PPP1R9A: variants seen among roughly 807,000 people sequenced by gnomAD.
PPP1R9A encodes neurabin-1.
A neutral mutation model predicts 141.9 loss-of-function variants in PPP1R9A; 59 were observed. The observed-to-expected ratio is 0.42, with a 90% CI of 0.34 to 0.52. The LOEUF (loss-of-function observed/expected upper bound fraction) is 0.52, where lower values mean the gene tolerates loss of function less well. PPP1R9A is among the 20% of genes least tolerant of loss of function. PPP1R9A has a pLI of 0.10. For synonymous variants in PPP1R9A, 500 were observed against 569.7 expected (o/e 0.88, Z 1.74); for missense variants, 1,444 against 1,611.9 (o/e 0.90, Z 1.78).
rs1443152876 is a variant in PPP1R9A at position 94,971,993 on chromosome 7, TACTTCAGTACA to T, written c.1395+60490_1395+60500del. 2.6e-5 allele frequency among the ~76,000 whole-genome samples: 4 copies of T among 152,226 alleles called. No individual in the cohort carries two copies. The South Asian group carries it at 6.2e-4, about 24-fold the overall frequency. On this transcript the variant is annotated intron_variant, in intron 2 of 19. Transcript: ENST00000433360. ...ACTCTCCTTATGCAATTTATTTACA[TACTTCAGTACA>T]ACTTATTACCCAGTTTGTATTCTCA...
chr7:95,270,113 A>G (rs1801936778), intron 14 of PPP1R9A, among the ~76,000 whole-genome samples: 1 of 152,132 alleles, frequency 6.6e-6, no homozygotes, highest in South Asian at 2.1e-4. Flanking sequence ...TTTTCATGCT[A>G]CAGTAGCAGT....
chr7:95,264,527 G>A (rs1800956959), intron 12 of PPP1R9A, among the ~76,000 whole-genome samples: 1 of 152,104 alleles, frequency 6.6e-6, no homozygotes, highest in African/African-American at 2.4e-5. Context: ...ATTTCTTAGA[G>A]CATTTTTCAT....
chr7:95,008,008 G>T (rs1328559931), intron 2 of PPP1R9A, among the ~76,000 whole-genome samples: 2 of 152,182 alleles, frequency 1.3e-5, no homozygotes, highest in African/African-American at 4.8e-5. Flanking sequence ...GGAGGTGGAG[G>T]TTGCAGTGAG....
At chr7:94,997,098 C>T (rs1802293811) in intron 2 of PPP1R9A, among the ~76,000 whole-genome samples, 1 of 152,128 alleles carries the variant, frequency 6.6e-6, no homozygotes, top group Admixed American at 6.5e-5. Flanking sequence ...GCCACCACAC[C>T]TGGCCAGATA....
chr7:95,215,180 C>T (rs983393318), intron 7 of PPP1R9A, among the ~76,000 whole-genome samples: 1 of 132,048 alleles, frequency 7.6e-6, no homozygotes, highest in Admixed American at 9.4e-5. Flanking sequence ...TCCAAGTGTT[C>T]TCATTGTTCA....
chr7:95,232,395 G>A (rs6979405), intron 8 of PPP1R9A, among the ~76,000 whole-genome samples: 61,734 of 151,554 alleles, frequency 0.41, 12,771 homozygotes, highest in South Asian at 0.49. Flanking sequence ...AGACTTAAAC[G>A]TAACATCTAA....
At chr7:95,240,630 A>T (rs1054776047) in intron 8 of PPP1R9A, among the ~76,000 whole-genome samples, 3 of 152,030 alleles carry the variant, frequency 2.0e-5, no homozygotes, top group Non-Finnish European at 4.4e-5. Context: ...GTACAGTTTA[A>T]TTGTAATTAA....
At chr7:95,199,121 A>AC (rs1788962834) in intron 6 of PPP1R9A, among the ~76,000 whole-genome samples, 2 of 152,194 alleles carry the variant, frequency 1.3e-5, no homozygotes, top group Admixed American at 1.3e-4. Context: ...ATAGAAGCTA[A>AC]CCCCCAAGTG....
chr7:95,020,070 T>C (rs942425785), intron 2 of PPP1R9A, among the ~76,000 whole-genome samples: 1 of 151,822 alleles, frequency 6.6e-6, no homozygotes, highest in African/African-American at 2.4e-5. Context: ...ATCATCATCA[T>C]TGATGAATTT....
chr7:94,974,790 C>T (rs1288199522), intron 2 of PPP1R9A, among the ~76,000 whole-genome samples: 1 of 152,010 alleles, frequency 6.6e-6, no homozygotes, highest in Non-Finnish European at 1.5e-5. Flanking sequence ...TCAGTAGAGG[C>T]ACATTAAAAT....
At chr7:95,061,156 A>G (rs944048887) in intron 2 of PPP1R9A, among the ~76,000 whole-genome samples, 1 of 152,204 alleles carries the variant, frequency 6.6e-6, no homozygotes, top group Non-Finnish European at 1.5e-5. Context: ...TCCTAAGTCC[A>G]GATAATCAAA....
chr7:95,007,101 A>T (rs1290467643), intron 2 of PPP1R9A, among the ~76,000 whole-genome samples: 1 of 152,138 alleles, frequency 6.6e-6, no homozygotes, highest in East Asian at 1.9e-4. Flanking sequence ...ACCTCAGGTG[A>T]TCCGCCCATC....
chr7:95,180,283 C>G (rs914399042), intron 5 of PPP1R9A, among the ~76,000 whole-genome samples: 1 of 152,042 alleles, frequency 6.6e-6, no homozygotes, highest in African/African-American at 2.4e-5. Context: ...GAATGGACAC[C>G]CTTTTTAACA....
intron 8 of PPP1R9A, among the ~76,000 whole-genome samples, chr7:95,230,201 T>TA (rs1224447201): frequency 6.6e-6 from 1 of 152,246 alleles, no homozygotes; most frequent in Non-Finnish European, 1.5e-5. Flanking sequence ...TGATGTAGTC[T>TA]ATCCAAATGA....
At chr7:95,073,765 G>A (rs1268201390) in intron 2 of PPP1R9A, among the ~76,000 whole-genome samples, 2 of 148,906 alleles carry the variant, frequency 1.3e-5, no homozygotes, top group Non-Finnish European at 3.0e-5. Context: ...TGCTTTTTTG[G>A]TAGAGACAGT....
chr7:95,191,345 A>AT (rs1479859236), intron 5 of PPP1R9A, among the ~76,000 whole-genome samples: 1 of 152,192 alleles, frequency 6.6e-6, no homozygotes, highest in East Asian at 1.9e-4. Context: ...AAAAATTTTA[A>AT]TTGACATAAT....
At chr7:95,087,731 C>T (rs902219978) in intron 2 of PPP1R9A, among the ~76,000 whole-genome samples, 2 of 151,944 alleles carry the variant, frequency 1.3e-5, no homozygotes, top group African/African-American at 4.8e-5. Context: ...CTTGTCTCTA[C>T]TAAAACTACA....
chr7:95,183,095 G>T (rs1207102206), intron 5 of PPP1R9A, among the ~76,000 whole-genome samples: 1 of 151,598 alleles, frequency 6.6e-6, no homozygotes, highest in African/African-American at 2.4e-5. Flanking sequence ...TTTTTTTTAA[G>T]AATTCAACTT....
chr7:95,188,538 T>C (rs1288812878), intron 5 of PPP1R9A, among the ~76,000 whole-genome samples: 3 of 151,148 alleles, frequency 2.0e-5, no homozygotes, highest in African/African-American at 7.3e-5. Flanking sequence ...AGTTATTGCC[T>C]GAATACTTTG....
Sources: gnomAD v4.1 joint callset for allele counts (sites outside exome capture counted in the v4.1 genomes callset) on GRCh38, gnomAD v4.1.1 for gene constraint, MANE v1.5 for transcripts, NCBI Gene and HGNC (gene_info 2026-07-23, HGNC 2026-07-21) for gene names.